Variants in DYM observed in about 807,000 individuals in gnomAD.
The protein encoded by DYM is dyggve-Melchior-Clausen syndrome protein.
Under a neutral mutation model 93.1 loss-of-function variants are expected in DYM, and 78 were observed. That is an observed-to-expected ratio of 0.84 (90% confidence interval 0.70 to 1.01). DYM has a LOEUF of 1.01. Ranked by LOEUF, DYM falls within the 50% of genes least tolerant of loss-of-function variation. The pLI, the probability that DYM is intolerant of heterozygous loss-of-function variation, is 0.00. For missense variants in DYM, 789 were observed against 845.0 expected (o/e 0.93, Z 0.82); for synonymous variants, 321 against 319.7 (o/e 1.00, Z -0.04).
chr18:49,264,910 A>G (rs907401465), intron 11 of DYM, among the ~76,000 whole-genome samples: 1 of 152,234 alleles, frequency 6.6e-6, no homozygotes, highest in Admixed American at 6.5e-5. Flanking sequence ...ATAAAAGCAC[A>G]TGACTTACCT....
chr18:49,113,226 C>T (rs2081589164), intron 16 of DYM, among the ~76,000 whole-genome samples: 1 of 152,166 alleles, frequency 6.6e-6, no homozygotes, highest in African/African-American at 2.4e-5. Flanking sequence ...CCAGAGATAA[C>T]AAGATTTCTT....
chr18:49,053,752 C>T (rs1350849960), intron 17 of DYM, among the ~76,000 whole-genome samples: 1 of 152,180 alleles, frequency 6.6e-6, no homozygotes, highest in Non-Finnish European at 1.5e-5. Context: ...ACTATCATTC[C>T]TCCTCCATAT....
At chr18:49,442,046 G>C (rs2081680810) in intron 1 of DYM, among the ~76,000 whole-genome samples, 1 of 152,120 alleles carries the variant, frequency 6.6e-6, no homozygotes, top group Non-Finnish European at 1.5e-5. Context: ...AAACTGAATA[G>C]GAACCTAGGG....
At chr18:49,061,322 G>T (rs1223684922) in intron 17 of DYM, among the ~76,000 whole-genome samples, 1 of 152,040 alleles carries the variant, frequency 6.6e-6, no homozygotes, top group Non-Finnish European at 1.5e-5. Context: ...ATGTGGAGGT[G>T]GGGGGAAGGG....
At chr18:49,356,450 A>G (rs1344202688) in intron 6 of DYM, among the ~76,000 whole-genome samples, 2 of 152,164 alleles carry the variant, frequency 1.3e-5, no homozygotes, top group Non-Finnish European at 2.9e-5. Flanking sequence ...TCAGAAAGCT[A>G]TACTGGATGT....
intron 6 of DYM, among the ~76,000 whole-genome samples, chr18:49,362,809 G>C (rs1568318625): frequency 6.6e-6 from 1 of 152,154 alleles, no homozygotes; most frequent in African/African-American, 2.4e-5. Flanking sequence ...GGAAGATAAG[G>C]AGAACTCAAC....
intron 14 of DYM, among the ~76,000 whole-genome samples, chr18:49,183,333 G>A (rs546705319): frequency 7.2e-5 from 11 of 152,194 alleles, no homozygotes; most frequent in African/African-American, 2.2e-4. Flanking sequence ...TCCAGAAAAC[G>A]TTGTGGCACC....
At chr18:49,299,203 T>C (rs1396197928) in intron 8 of DYM, among the ~76,000 whole-genome samples, 1 of 152,194 alleles carries the variant, frequency 6.6e-6, no homozygotes, top group Non-Finnish European at 1.5e-5. Context: ...ATATTAGACA[T>C]ATATAACTAG....
intron 11 of DYM, among the ~76,000 whole-genome samples, chr18:49,262,560 T>C (rs1460038200): frequency 1.3e-5 from 2 of 152,228 alleles, no homozygotes; most frequent in Admixed American, 1.3e-4. Flanking sequence ...AACCCTCCTA[T>C]ATTGATACAT....
intron 15 of DYM, among the ~76,000 whole-genome samples, chr18:49,156,099 A>C (rs1251853990): frequency 6.6e-6 from 1 of 152,188 alleles, no homozygotes; most frequent in Non-Finnish European, 1.5e-5. Flanking sequence ...TAGATGTGTG[A>C]AGTGGTATCT....
chr18:49,441,276 T>TTATATATATATAATTATATAA (rs1568454725), intron 1 of DYM, among the ~76,000 whole-genome samples: 7 of 43,296 alleles, frequency 1.6e-4, no homozygotes, highest in African/African-American at 6.5e-4. Context: ...ATAATATATA[T>TTATATATATATAATTATATAA]TATATAATTA....
rs111386941 is a variant in DYM, at chr18:49,171,247, A to C, written c.1626-7460T>G. ...GCTCCGAAGGTAAAGGGAACGCATCACAGAAAGGTCACTTACTGGGAGGGG... is the reference window on the plus strand; with the variant it reads ...GCTCCGAAGGTAAAGGGAACGCATCCCAGAAAGGTCACTTACTGGGAGGGG... On this transcript the variant is annotated intron_variant, in intron 14 of 17. Coordinates refer to ENST00000675505, the MANE Select transcript of DYM (RefSeq NM_001353214.3). Among the ~76,000 whole-genome samples, 873 of 152,284 alleles carry C rather than the reference A, an allele frequency of 5.7e-3. 8 individuals carry two copies. Among genetic ancestry groups the C allele is most frequent in the African/African-American group, 0.02 (824 of 41,554 alleles).
At chr18:49,385,572 G>A (rs2068524467) in intron 3 of DYM, among the ~76,000 whole-genome samples, 1 of 152,102 alleles carries the variant, frequency 6.6e-6, no homozygotes. Context: ...GTGCATGCCT[G>A]TAATCCCAGC....
chr18:49,388,466 A>G (rs1193269844), intron 3 of DYM, among the ~76,000 whole-genome samples: 2 of 152,130 alleles, frequency 1.3e-5, no homozygotes, highest in African/African-American at 4.8e-5. Context: ...ATGGGACACA[A>G]TGGAAACAAA....
intron 17 of DYM, among the ~76,000 whole-genome samples, chr18:49,094,720 ATTACTC>A (rs1402235484): frequency 6.6e-6 from 1 of 152,238 alleles, no homozygotes; most frequent in Non-Finnish European, 1.5e-5. Flanking sequence ...TTGGAAGTCA[ATTACTC>A]TTCCATGGGC....
At chr18:49,404,905 C>A (rs1395950863) in intron 2 of DYM, among the ~76,000 whole-genome samples, 1 of 150,744 alleles carries the variant, frequency 6.6e-6, no homozygotes, top group Admixed American at 6.7e-5. Context: ...CCCAGCTACT[C>A]GGGAGGCTGA....
chr18:49,226,774 A>G (rs1248313376), intron 13 of DYM, among the ~76,000 whole-genome samples: 1 of 152,176 alleles, frequency 6.6e-6, no homozygotes, highest in South Asian at 2.1e-4. Context: ...GTGGATGGAC[A>G]GAGCACACAT....
chr18:49,419,469 G>A lies in DYM; in HGVS notation c.140+10786C>T, dbSNP rs1197266997. On this transcript the variant is annotated intron_variant, in intron 2 of 17. Transcript: ENST00000675505. ...AAACTGTGAGGCACTGGCACAGGTC[G>A]ACAAAAATGGCTAACAAATTATTCC... 7.2e-5 allele frequency among the ~76,000 whole-genome samples: 11 copies of A among 152,048 alleles called. 1 individual carries two copies. The highest frequency in any genetic ancestry group is 2.1e-4 in the South Asian group (1 of 4,822).
intron 13 of DYM, among the ~76,000 whole-genome samples, chr18:49,213,296 CTT>C (rs36072258): frequency 2.7e-4 from 38 of 139,928 alleles, no homozygotes; most frequent in Admixed American, 2.2e-4. Flanking sequence ...CTTTTTCTAA[CTT>C]TTTTTTTTTT....
Sources: allele counts gnomAD v4.1 joint callset (sites outside exome capture counted in the v4.1 genomes callset), GRCh38; gene constraint gnomAD v4.1.1; transcripts MANE v1.5; gene names NCBI Gene and HGNC (gene_info 2026-07-23, HGNC 2026-07-21).